GUCY1A2: variants seen among roughly 807,000 people sequenced by gnomAD.
GUCY1A2 encodes the protein guanylate cyclase 1 soluble subunit alpha 2.
A neutral mutation model predicts 63.5 loss-of-function variants in GUCY1A2; 27 were observed. The ratio of observed to expected loss-of-function variants is 0.43; its 90% confidence interval spans 0.31 to 0.59. The LOEUF (loss-of-function observed/expected upper bound fraction) is 0.59, where lower values mean the gene tolerates loss of function less well. Among genes scored for constraint, GUCY1A2 ranks in the 20% least tolerant of loss-of-function variants. The pLI, the probability that GUCY1A2 is intolerant of heterozygous loss-of-function variation, is 0.11. For missense variants in GUCY1A2, 768 were observed against 913.3 expected, an observed-to-expected ratio of 0.84 and a Z score of 2.05; for synonymous variants, 364 against 343.5, an observed-to-expected ratio of 1.06 and a Z score of -0.66.
intron 4 of GUCY1A2, among the ~76,000 whole-genome samples, chr11:106,868,265 C>T (rs1247128823): frequency 6.6e-6 from 1 of 151,862 alleles, no homozygotes; most frequent in Non-Finnish European, 1.5e-5. Flanking sequence ...AAGTGTGTCT[C>T]ACATATTCAA....
chr11:106,750,787 C>T lies in GUCY1A2; in HGVS notation c.1836+25652G>A, dbSNP rs568992006. 1.7e-4 allele frequency among the ~76,000 whole-genome samples: 25 copies of T among 150,322 alleles called. 1 individual carries two copies. In the South Asian group the frequency reaches 3.2e-3, roughly 19 times the overall value. ...CAAATTAAGCTCTTAATTAGACATG[C>T]GATTTCCTTTTTTTTTTCTATAATA... On this transcript the variant is annotated intron_variant, in intron 6 of 7. Coordinates refer to ENST00000526355, the MANE Select transcript of GUCY1A2 (RefSeq NM_000855.3).
intron 1 of GUCY1A2, among the ~76,000 whole-genome samples, chr11:107,007,139 A>G (rs1330526045): frequency 6.6e-6 from 1 of 152,192 alleles, no homozygotes; most frequent in Non-Finnish European, 1.5e-5. Context: ...AAATGCATGA[A>G]TGATGTAGCT....
chr11:106,907,933 G>C (rs1355235280), intron 4 of GUCY1A2, among the ~76,000 whole-genome samples: 1 of 152,026 alleles, frequency 6.6e-6, no homozygotes, highest in East Asian at 1.9e-4. Context: ...ATCTCAAGAA[G>C]ATATAAATAG....
chr11:106,767,081 C>T (rs1864177295), intron 6 of GUCY1A2, among the ~76,000 whole-genome samples: 1 of 152,018 alleles, frequency 6.6e-6, no homozygotes. Context: ...AACTTTTAGC[C>T]TCTTCTATGG....
intron 4 of GUCY1A2, among the ~76,000 whole-genome samples, chr11:106,931,383 C>A (rs374520848): frequency 6.6e-6 from 1 of 152,156 alleles, no homozygotes; most frequent in African/African-American, 2.4e-5. Flanking sequence ...AAAGCTGAAC[C>A]TTCTTACGCT....
chr11:106,865,599 A>G (rs1054158710), intron 4 of GUCY1A2, among the ~76,000 whole-genome samples: 4 of 152,042 alleles, frequency 2.6e-5, no homozygotes, highest in Non-Finnish European at 1.5e-5. Flanking sequence ...GAGTTGAACA[A>G]TAAGAACACA....
chr11:106,791,785 C>T (rs1864666067), intron 5 of GUCY1A2, among the ~76,000 whole-genome samples: 1 of 152,178 alleles, frequency 6.6e-6, no homozygotes, highest in Non-Finnish European at 1.5e-5. Flanking sequence ...ATCCCCAGTC[C>T]TCAGCAGAAT....
intron 1 of GUCY1A2, among the ~76,000 whole-genome samples, chr11:107,014,079 C>CTTTTTTTT (rs71044206): frequency 1.0e-4 from 7 of 70,020 alleles, no homozygotes; most frequent in East Asian, 4.7e-4. Context: ...CCATGTTTTC[C>CTTTTTTTT]TTTTTTTTTT....
chr11:106,876,501 T>C (rs1477596465), intron 4 of GUCY1A2, among the ~76,000 whole-genome samples: 1 of 152,108 alleles, frequency 6.6e-6, no homozygotes, highest in African/African-American at 2.4e-5. Context: ...CACATCTGAC[T>C]GTACATTTAC....
At chr11:106,955,885 G>A (rs1860977632) in intron 3 of GUCY1A2, among the ~76,000 whole-genome samples, 1 of 152,100 alleles carries the variant, frequency 6.6e-6, no homozygotes, top group Non-Finnish European at 1.5e-5. Flanking sequence ...ATATTCTGAA[G>A]TGTGTTTTCC....
intron 3 of GUCY1A2, among the ~76,000 whole-genome samples, chr11:106,966,498 T>C (rs1466348228): frequency 6.6e-6 from 1 of 152,196 alleles, no homozygotes; most frequent in African/African-American, 2.4e-5. Flanking sequence ...GGCTGCCCAC[T>C]TGCTGTTTTC....
Position 106,674,818 on chromosome 11 carries a change from T to C in GUCY1A2, c.*12731A>G. On this transcript the variant is annotated 3_prime_UTR_variant, in exon 8 of 8. Transcript: ENST00000526355. ...CAAATTAGCCAAAATGTTAAAATAA[T>C]TCAGGTTAAATGAAAACCACCCCAT... 1 of 215,320 alleles carries C rather than the reference T, an allele frequency of 4.6e-6. No homozygotes were observed. Among genetic ancestry groups the C allele is most frequent in the Non-Finnish European group, 9.4e-6 (1 of 106,778 alleles). 13.3% of individuals were successfully genotyped at this position (215,320 alleles called of 1,614,324 possible). A position where few individuals can be genotyped will look rare whatever the true frequency, so the allele number is the denominator to read the frequency against.
chr11:106,904,392 T>C, intron 4 of GUCY1A2, among the ~76,000 whole-genome samples: 1 of 152,124 alleles, frequency 6.6e-6, no homozygotes, highest in East Asian at 1.9e-4. Flanking sequence ...ATTACATTGA[T>C]TAAATGTTTA....
chr11:106,792,989 T>C (rs1864690532), intron 5 of GUCY1A2, among the ~76,000 whole-genome samples: 1 of 152,106 alleles, frequency 6.6e-6, no homozygotes, highest in Non-Finnish European at 1.5e-5. Flanking sequence ...CTATCAATAT[T>C]CCAATGCAAT....
intron 6 of GUCY1A2, among the ~76,000 whole-genome samples, chr11:106,751,361 A>G (rs527393350): frequency 1.3e-5 from 2 of 152,128 alleles, no homozygotes; most frequent in Non-Finnish European, 2.9e-5. Context: ...AGAACTGGAA[A>G]TGATCAGTTT....
rs1423627188 is a variant in GUCY1A2 at position 106,681,666 on chromosome 11, C to A, written c.*5883G>T. 4.5e-6 allele frequency: 1 copy of A among 221,510 alleles called. No homozygotes were observed. The highest frequency in any genetic ancestry group is 9.0e-6 in the Non-Finnish European group (1 of 110,762). The allele number at this position is 221,510 out of a possible 1,614,324, so 13.7% of individuals were successfully genotyped here. ...GAGTCATTACTTGCTGCTCATTTTG[C>A]TACAGAATAATGAGTATCTTTAAAA... On this transcript the variant is annotated 3_prime_UTR_variant, in exon 8 of 8. Transcript: ENST00000526355.
At chr11:106,699,631 C>G (rs936279626) in intron 7 of GUCY1A2, among the ~76,000 whole-genome samples, 1 of 152,092 alleles carries the variant, frequency 6.6e-6, no homozygotes, top group Non-Finnish European at 1.5e-5. Context: ...GAAGAGAGAA[C>G]CACCAAGCTT....
At chr11:106,910,497 C>A (rs1184178928) in intron 4 of GUCY1A2, among the ~76,000 whole-genome samples, 1 of 152,012 alleles carries the variant, frequency 6.6e-6, no homozygotes, top group Non-Finnish European at 1.5e-5. Context: ...TTTGTGAAAA[C>A]TACTAGTTAG....
At chr11:106,753,355 G>T (rs180710003) in intron 6 of GUCY1A2, among the ~76,000 whole-genome samples, 1 of 152,294 alleles carries the variant, frequency 6.6e-6, no homozygotes, top group Admixed American at 6.5e-5. Flanking sequence ...TTGCTGTGTA[G>T]AAGCTCTTCA....
Sources: gnomAD v4.1 joint callset for allele counts (sites outside exome capture counted in the v4.1 genomes callset) on GRCh38, gnomAD v4.1.1 for gene constraint, MANE v1.5 for transcripts, NCBI Gene and HGNC (gene_info 2026-07-23, HGNC 2026-07-21) for gene names.